Variants in TSHR observed in about 807,000 individuals in gnomAD.
TSHR encodes thyrotropin receptor.
A neutral mutation model predicts 64.1 loss-of-function variants in TSHR; 51 were observed. That is an observed-to-expected ratio of 0.80 (90% CI 0.64 to 1.01). TSHR has a LOEUF of 1.01. TSHR is among the 50% of genes least tolerant of loss of function. TSHR has a pLI of 0.00. For synonymous variants in TSHR, 361 were observed against 361.9 expected, an observed-to-expected ratio of 1.00 and a Z score of 0.03; for missense variants, 877 against 942.8, an observed-to-expected ratio of 0.93 and a Z score of 0.91.
At chr14:81,034,944 A>T (rs1214992712) in intron 1 of TSHR, among the ~76,000 whole-genome samples, 1 of 152,202 alleles carries the variant, frequency 6.6e-6, no homozygotes, top group African/African-American at 2.4e-5. Context: ...AAAAAATAAA[A>T]ATGTTAAATA....
chr14:81,075,700 C>T (rs1469123263), intron 3 of TSHR, among the ~76,000 whole-genome samples: 1 of 144,306 alleles, frequency 6.9e-6, no homozygotes, highest in African/African-American at 2.6e-5. Context: ...GTTGGTGGGA[C>T]TGTAAACTAG....
chr14:81,054,607 T>C (rs1439026215), intron 1 of TSHR, among the ~76,000 whole-genome samples: 3 of 152,244 alleles, frequency 2.0e-5, no homozygotes, highest in East Asian at 1.9e-4. Context: ...CAGATGGAGA[T>C]GAGGAACTTG....
At chr14:81,104,867 G>A in intron 7 of TSHR, 1 of 985,378 alleles carries the variant, frequency 1.0e-6, no homozygotes, top group Non-Finnish European at 1.2e-6. Context: ...AGAGGAATAA[G>A]ACCCCAAGCG....
At position 81,096,650 on chromosome 14, in the gene TSHR, A is replaced by T; in HGVS notation, c.557A>T (p.Asn186Ile). 1 of 1,613,812 alleles carries T rather than the reference A, an allele frequency of 6.2e-7. No individual in the cohort carries two copies. The highest frequency in any genetic ancestry group is 8.5e-7 in the Non-Finnish European group (1 of 1,179,736). ...TCTGTTGGTTGTAGGAAGCTGTACA[A>T]CAATGGCTTTACTTCAGTCCAAGGA... is the stretch of plus-strand genomic sequence containing the variant. ...CNETLTLKLY[N>I]NGFTSVQGYA... Residue 186 changes from asparagine to isoleucine, a missense_variant, in exon 7 of 10, where the codon AAC becomes ATC. By Grantham distance (149) the Asn-to-Ile change is moderately radical (BLOSUM62 -3). Coordinates refer to ENST00000298171, the MANE Select transcript of TSHR (RefSeq NM_000369.5).
chr14:81,103,936 A>G lies in TSHR; in HGVS notation c.615-4439A>G. The stretch of plus-strand genomic sequence containing the variant: ...AGAGCCCACCAATACACTAATTATT[A>G]TGAACAGAGTCAACAGAATTAATGT... On this transcript the variant is annotated intron_variant, in intron 7 of 9. Transcript: ENST00000298171. This position sits in a 1 kb window ranked among gnomAD's most constrained non-coding sequence, Gnocchi z 4.1. 1 of 985,470 alleles carries G rather than the reference A, an allele frequency of 1.0e-6. No homozygotes were observed. Among genetic ancestry groups the G allele is most frequent in the Non-Finnish European group, 1.2e-6 (1 of 829,916 alleles). The allele number at this position is 985,470 out of a possible 1,614,324, so 61.0% of individuals were successfully genotyped here. A position where few individuals can be genotyped will look rare whatever the true frequency, so the allele number is the denominator to read the frequency against.
chr14:80,973,376 C>A lies in TSHR; in HGVS notation c.170+17526C>A, dbSNP rs1199075161. 8.0e-4 allele frequency among the ~76,000 whole-genome samples: 91 copies of A among 113,558 alleles called. 1 individual carries two copies. Among genetic ancestry groups the A allele is most frequent in the Middle Eastern group, 6.0e-3 (1 of 166 alleles). 74.5% of individuals were successfully genotyped at this position (113,558 alleles called of 152,430 possible). A position where few individuals can be genotyped will look rare whatever the true frequency, so the allele number is the denominator to read the frequency against. On this transcript the variant is annotated intron_variant, in intron 1 of 9. Coordinates refer to ENST00000298171, the MANE Select transcript of TSHR (RefSeq NM_000369.5). The stretch of plus-strand genomic sequence containing the variant: ...AGCCGAGATCGCGCCACTGCACTCA[C>A]GCCCGGGTGACAGCGAGACGCTGTC...
chr14:81,114,887 G>C (rs1207785094), intron 8 of TSHR, among the ~76,000 whole-genome samples: 1 of 152,138 alleles, frequency 6.6e-6, no homozygotes, highest in East Asian at 1.9e-4. Context: ...CCCCCGAGCA[G>C]CCTAACTGGG....
At chr14:80,965,231 G>A (rs560991605) in intron 1 of TSHR, among the ~76,000 whole-genome samples, 3 of 152,192 alleles carry the variant, frequency 2.0e-5, no homozygotes, top group Non-Finnish European at 4.4e-5. Context: ...ACTGCCCTCA[G>A]CATTCCTTCT....
intron 9 of TSHR, among the ~76,000 whole-genome samples, chr14:81,141,033 G>A (rs1388102966): frequency 6.6e-6 from 1 of 152,260 alleles, no homozygotes; most frequent in African/African-American, 2.4e-5. Flanking sequence ...GGCTGAGGCA[G>A]AAGAATTGCT....
At chr14:81,094,892 C>A (rs1889049310) in intron 6 of TSHR, among the ~76,000 whole-genome samples, 1 of 151,730 alleles carries the variant, frequency 6.6e-6, no homozygotes, top group Non-Finnish European at 1.5e-5. Flanking sequence ...TCTCTGCAAC[C>A]TTTTGATTGG....
chr14:80,990,703 G>A (rs1888683953), intron 1 of TSHR, among the ~76,000 whole-genome samples: 1 of 151,894 alleles, frequency 6.6e-6, no homozygotes, highest in Non-Finnish European at 1.5e-5. Flanking sequence ...TGCCCAGGCT[G>A]GAGCGCAATG....
chr14:81,006,049 G>T (rs971349932), intron 1 of TSHR, among the ~76,000 whole-genome samples: 25 of 151,998 alleles, frequency 1.6e-4, no homozygotes, highest in Non-Finnish European at 2.4e-4. Flanking sequence ...GCTTCACAAT[G>T]GTATTTTTGA....
chr14:81,037,419 C>CAAAAAAAAAAAAAAAAAAAAAAAAAAAGA (rs748986847), intron 1 of TSHR, among the ~76,000 whole-genome samples: 1 of 99,062 alleles, frequency 1.0e-5, no homozygotes, highest in African/African-American at 3.8e-5. Context: ...AAAGGAAATA[C>CAAAAAAAAAAAAAAAAAAAAAAAAAAAGA]AAAACAAACA....
chr14:81,091,169 G>T (rs1190323951), intron 5 of TSHR, 26 bp downstream of exon 5: 1 of 1,594,052 alleles, frequency 6.3e-7, no homozygotes, highest in South Asian at 1.1e-5. Flanking sequence ...TGCCATGTTT[G>T]ACAATATTTT....
At chr14:81,085,122 C>A (rs560659137) in intron 3 of TSHR, among the ~76,000 whole-genome samples, 1 of 152,228 alleles carries the variant, frequency 6.6e-6, no homozygotes, top group South Asian at 2.1e-4. Flanking sequence ...CCACCACACC[C>A]GGCTAATTTT....
At chr14:81,047,216 T>G (rs1454504990) in intron 1 of TSHR, among the ~76,000 whole-genome samples, 2 of 152,192 alleles carry the variant, frequency 1.3e-5, no homozygotes, top group Non-Finnish European at 2.9e-5. Flanking sequence ...GCAGGAGTGT[T>G]GACACCTGAA....
At chr14:80,985,307 C>G (rs1484445253) in intron 1 of TSHR, among the ~76,000 whole-genome samples, 1 of 152,282 alleles carries the variant, frequency 6.6e-6, no homozygotes, top group East Asian at 1.9e-4. Context: ...AAAATCATGC[C>G]TTAATTTTTT....
intron 1 of TSHR, among the ~76,000 whole-genome samples, chr14:80,961,521 A>T (rs945213045): frequency 6.6e-6 from 1 of 152,176 alleles, no homozygotes; most frequent in African/African-American, 2.4e-5. Context: ...AAGAATTCTG[A>T]CCTGAAAGCT....
intron 1 of TSHR, among the ~76,000 whole-genome samples, chr14:80,980,631 C>T (rs994141704): frequency 1.3e-5 from 2 of 150,986 alleles, no homozygotes; most frequent in African/African-American, 4.9e-5. Flanking sequence ...TTTTTATTTA[C>T]CCTGCTTTGA....
Sources: gnomAD v4.1 joint callset for allele counts (sites outside exome capture counted in the v4.1 genomes callset) on GRCh38, gnomAD v4.1.1 for gene constraint, Gnocchi (gnomAD v3.1) non-coding constraint, MANE v1.5 for transcripts, NCBI Gene and HGNC (gene_info 2026-07-23, HGNC 2026-07-21) for gene names.